The following ARAP2 variants were observed in gnomAD, a reference collection of about 807,000 sequenced individuals.
The protein encoded by ARAP2 is ArfGAP with RhoGAP domain, ankyrin repeat and PH domain 2, also known as arf-GAP with Rho-GAP domain, ANK repeat and PH domain-containing protein 2.
ARAP2 carries 148 observed loss-of-function variants against 194.5 expected under a neutral mutation model. That is an observed-to-expected ratio of 0.76 (90% CI 0.67 to 0.87). The LOEUF is 0.87. Among genes scored for constraint, ARAP2 ranks in the 40% least tolerant of loss-of-function variants. The pLI is 0.00. For synonymous variants in ARAP2, 695 were observed against 683.5 expected (o/e 1.02, Z -0.26); for missense variants, 2,128 against 1,989.7 (o/e 1.07, Z -1.32).
At chr4:36,102,497 T>C (rs1219807565) in intron 27 of ARAP2, among the ~76,000 whole-genome samples, 1 of 152,048 alleles carries the variant, frequency 6.6e-6, no homozygotes, top group African/African-American at 2.4e-5. Flanking sequence ...TATGTACTTT[T>C]AGTGAGTAAG....
intron 15 of ARAP2, among the ~76,000 whole-genome samples, chr4:36,153,968 C>T (rs560694557): frequency 6.6e-6 from 1 of 152,268 alleles, no homozygotes; most frequent in African/African-American, 2.4e-5. Flanking sequence ...TGAGGTCACA[C>T]TAAGTATTTA....
At chr4:36,113,783 G>A (rs1720627490) in intron 26 of ARAP2, among the ~76,000 whole-genome samples, 2 of 151,876 alleles carry the variant, frequency 1.3e-5, no homozygotes, top group African/African-American at 4.8e-5. Context: ...AAAAAATGAA[G>A]CTTCTGCTGC....
chr4:36,087,505 T>C (rs1038744570), intron 28 of ARAP2, among the ~76,000 whole-genome samples: 8 of 152,072 alleles, frequency 5.3e-5, no homozygotes, highest in African/African-American at 1.9e-4. Flanking sequence ...CCAGGTTATA[T>C]AAGTTAGCTC....
intron 28 of ARAP2, among the ~76,000 whole-genome samples, chr4:36,087,953 G>C (rs1229359629): frequency 6.6e-6 from 1 of 151,970 alleles, no homozygotes; most frequent in Non-Finnish European, 1.5e-5. Context: ...CTGCATAGTG[G>C]GAATAATAAG....
intron 15 of ARAP2, among the ~76,000 whole-genome samples, chr4:36,156,079 C>T (rs565333221): frequency 9.2e-5 from 14 of 151,782 alleles, no homozygotes; most frequent in South Asian, 2.1e-4. Context: ...GTTAGGAGTT[C>T]GAGACCAGCC....
At chr4:36,114,747 G>A (rs942975523) in intron 25 of ARAP2, among the ~76,000 whole-genome samples, 1 of 151,924 alleles carries the variant, frequency 6.6e-6, no homozygotes, top group Non-Finnish European at 1.5e-5. Flanking sequence ...GGTAGTCTGT[G>A]GTGTGCCCTG....
At chr4:36,105,841 T>C (rs1718268505) in intron 27 of ARAP2, among the ~76,000 whole-genome samples, 1 of 151,952 alleles carries the variant, frequency 6.6e-6, no homozygotes, top group Non-Finnish European at 1.5e-5. Flanking sequence ...TTTATTCATA[T>C]AGCCAACCTA....
At chr4:36,105,991 A>G (rs1718315927) in intron 27 of ARAP2, among the ~76,000 whole-genome samples, 1 of 152,036 alleles carries the variant, frequency 6.6e-6, no homozygotes, top group Non-Finnish European at 1.5e-5. Flanking sequence ...ATAAAGAATT[A>G]GAACAGATAT....
At chr4:36,214,311 T>G in intron 3 of ARAP2, 111 bp downstream of exon 3, 1 of 719,032 alleles carries the variant, frequency 1.4e-6, no homozygotes, top group Non-Finnish European at 2.2e-6. Context: ...AGACAGTTAT[T>G]TCCATTGTTC....
intron 1 of ARAP2, among the ~76,000 whole-genome samples, chr4:36,058,331 A>G (rs1164321923): frequency 6.6e-6 from 1 of 152,224 alleles, no homozygotes; most frequent in African/African-American, 2.4e-5. Context: ...CATTCTTGCT[A>G]GGATTTTAGT....
At chr4:36,156,927 AC>A (rs1321460190) in intron 15 of ARAP2, among the ~76,000 whole-genome samples, 1 of 152,224 alleles carries the variant, frequency 6.6e-6, no homozygotes, top group African/African-American at 2.4e-5. Flanking sequence ...ATAAATTTTA[AC>A]CAAAAATCCA....
At chr4:36,149,351 T>C (rs541187300) in intron 16 of ARAP2, among the ~76,000 whole-genome samples, 1 of 152,268 alleles carries the variant, frequency 6.6e-6, no homozygotes, top group South Asian at 2.1e-4. Context: ...CCTCTTCCTC[T>C]AGTTAAATTC....
At chr4:36,023,708 A>G (rs1717405333) in intron 5 of ARAP2, among the ~76,000 whole-genome samples, 1 of 152,172 alleles carries the variant, frequency 6.6e-6, no homozygotes, top group Non-Finnish European at 1.5e-5. Flanking sequence ...AACATGCAGG[A>G]CATAATAATG....
chr4:36,106,498 C>T (rs953968859), intron 27 of ARAP2, among the ~76,000 whole-genome samples: 2 of 151,824 alleles, frequency 1.3e-5, no homozygotes, highest in African/African-American at 4.8e-5. Context: ...TGTATTAAAT[C>T]AGAAGTTTAT....
In ARAP2 at chr4:36,244,201, C is replaced by A. The variant is rs1267684870; in HGVS notation, c.-182G>T. ...CGCCTTGCGCTCGGGTCGCGGAGTTCGAAAAGCGAGGTGAGGCGGCGCTGG... is the reference window on the plus strand; with the variant it reads ...CGCCTTGCGCTCGGGTCGCGGAGTTAGAAAAGCGAGGTGAGGCGGCGCTGG... On this transcript the variant is annotated 5_prime_UTR_variant, in exon 1 of 33. Transcript: ENST00000303965. 1 of 152,088 alleles carries A rather than the reference C, an allele frequency of 6.6e-6. No individual in the cohort carries two copies. Among genetic ancestry groups the A allele is most frequent in the African/African-American group, 2.4e-5 (1 of 41,406 alleles). 9.4% of individuals were successfully genotyped at this position (152,088 alleles called of 1,614,324 possible).
intron 6 of ARAP2, among the ~76,000 whole-genome samples, chr4:36,210,157 C>T (rs1352941578): frequency 6.6e-6 from 1 of 152,058 alleles, no homozygotes; most frequent in African/African-American, 2.4e-5. Context: ...TCATAACTTT[C>T]TATTTTAATT....
chr4:36,089,800 T>C (rs1713044616), intron 28 of ARAP2, among the ~76,000 whole-genome samples: 1 of 152,108 alleles, frequency 6.6e-6, no homozygotes, highest in Admixed American at 6.6e-5. Context: ...ATTGTTGATT[T>C]AGAAGAGCTC....
chr4:36,020,395 G>C (rs571064059), intron 5 of ARAP2, among the ~76,000 whole-genome samples: 2 of 152,226 alleles, frequency 1.3e-5, no homozygotes, highest in South Asian at 4.2e-4. Flanking sequence ...TGGATGAAAA[G>C]AGCAAAACAA....
chr4:36,120,700 T>G (rs1722467812), intron 23 of ARAP2, among the ~76,000 whole-genome samples: 1 of 151,636 alleles, frequency 6.6e-6, no homozygotes, highest in Admixed American at 6.6e-5. Flanking sequence ...AAATGGAAAT[T>G]TAAAAAGTCA....
Sources: gnomAD v4.1 joint callset for allele counts (sites outside exome capture counted in the v4.1 genomes callset) on GRCh38, gnomAD v4.1.1 for gene constraint, MANE v1.5 for transcripts, NCBI Gene and HGNC (gene_info 2026-07-23, HGNC 2026-07-21) for gene names.